Variants in EGLN1 observed in about 807,000 individuals in gnomAD.
The protein encoded by EGLN1 is egl-9 family hypoxia inducible factor 1, also known as egl nine homolog 1.
Under a neutral mutation model 38.3 loss-of-function variants are expected in EGLN1, and 17 were observed. That is an observed-to-expected ratio of 0.44 (90% confidence interval 0.30 to 0.67). The LOEUF (loss-of-function observed/expected upper bound fraction) is 0.67. Ranked by LOEUF, EGLN1 falls within the 30% of genes least tolerant of loss-of-function variation. The pLI is 0.08. For synonymous variants in EGLN1, 283 were observed against 257.5 expected (o/e 1.10, Z -0.95); for missense variants, 477 against 603.3 (o/e 0.79, Z 2.19).
Position 231,370,690 on chromosome 1 carries a change from T to A in EGLN1, c.1020A>T (p.Gly340=), listed in dbSNP as rs368903308. 3 of 1,613,876 alleles carry A rather than the reference T, an allele frequency of 1.9e-6. No homozygotes were observed. The African/African-American group carries it at 4.0e-5, about 22-fold the overall frequency. ...LNKDWDAKVS[G]GILRIFPEGK... ...CTTCTGGAAAAATTCGAAGTATACC[T>A]CCACTTACCTAGGAAAAGAGCCAAA... Residue 340 remains glycine (G), a synonymous_variant, in exon 3 of 5, where the codon GGA becomes GGT. Coordinates refer to ENST00000366641, the MANE Select transcript of EGLN1 (RefSeq NM_022051.3).
In EGLN1 at chr1:231,420,864, G is replaced by A. The variant is rs1656563274; in HGVS notation, c.891+134C>T. On this transcript the variant is annotated intron_variant, in intron 1 of 4. Coordinates refer to ENST00000366641, the MANE Select transcript of EGLN1 (RefSeq NM_022051.3). The stretch of plus-strand genomic sequence containing the variant: ...ACAAATTCTGTCCGTCTTCCTTACG[G>A]GGAGCTACACAAGAAAGAGCGAGTC... 5 of 1,554,254 alleles carry A rather than the reference G, an allele frequency of 3.2e-6. No homozygotes were observed. In the Admixed American group the frequency reaches 6.8e-5, roughly 21 times the overall value.
intron 1 of EGLN1, among the ~76,000 whole-genome samples, chr1:231,380,058 G>C (rs907044160): frequency 2.6e-4 from 9 of 34,644 alleles, no homozygotes; most frequent in African/African-American, 4.6e-4. Flanking sequence ...TTGGAAACTT[G>C]TGTGGAACTC....
intron 1 of EGLN1, among the ~76,000 whole-genome samples, chr1:231,385,498 G>A (rs12726155): frequency 6.6e-6 from 1 of 152,196 alleles, no homozygotes; most frequent in South Asian, 2.1e-4. Context: ...GAAGAGAAAA[G>A]GTCATGGTGT....
intron 1 of EGLN1, among the ~76,000 whole-genome samples, chr1:231,385,236 G>C (rs1688174035): frequency 6.6e-6 from 1 of 152,230 alleles, no homozygotes; most frequent in Non-Finnish European, 1.5e-5. Flanking sequence ...CCTGAGTCTG[G>C]ACAATGGGAG....
chr1:231,412,938 A>T (rs1688990779), intron 1 of EGLN1, among the ~76,000 whole-genome samples: 1 of 152,216 alleles, frequency 6.6e-6, no homozygotes. Flanking sequence ...CATCTAATGT[A>T]TCAGCAAATC....
chr1:231,407,037 T>C (rs969075484), intron 1 of EGLN1, among the ~76,000 whole-genome samples: 1 of 152,150 alleles, frequency 6.6e-6, no homozygotes, highest in Non-Finnish European at 1.5e-5. Flanking sequence ...CTACTTTCCT[T>C]ACCAACTCTG....
chr1:231,370,764 A>G (rs537577767), intron 2 of EGLN1, 66 bp from the exon 3 acceptor site: 15 of 1,533,388 alleles, frequency 9.8e-6, no homozygotes, highest in East Asian at 2.3e-5. Context: ...ATTTAGGGGG[A>G]AAAAAAGAGA....
chr1:231,405,375 T>C (rs1334821396), intron 1 of EGLN1, among the ~76,000 whole-genome samples: 2 of 151,786 alleles, frequency 1.3e-5, no homozygotes, highest in Non-Finnish European at 2.9e-5. Flanking sequence ...GACAGGGTTT[T>C]ACCATGTTAG....
intron 3 of EGLN1, among the ~76,000 whole-genome samples, chr1:231,370,162 T>C (rs772138340): frequency 2.0e-5 from 3 of 152,200 alleles, no homozygotes; most frequent in Non-Finnish European, 2.9e-5. Context: ...GTATCCATTT[T>C]CCTATGTTGT....
rs993458409 is a variant in EGLN1 at position 231,382,406 on chromosome 1, C to A, written c.892-8307G>T. ...AATAATCATCAGTAAATGAGGAAAGCTTGTAATCAAAAACCCTACTCCAGT... is the reference window on the plus strand; with the variant it reads ...AATAATCATCAGTAAATGAGGAAAGATTGTAATCAAAAACCCTACTCCAGT... On this transcript the variant is annotated intron_variant, in intron 1 of 4. Transcript: ENST00000366641. 3.0e-4 allele frequency among the ~76,000 whole-genome samples: 45 copies of A among 152,280 alleles called. 1 individual carries two copies. Among genetic ancestry groups the A allele is most frequent in the African/African-American group, 1.1e-3 (44 of 41,558 alleles).
chr1:231,377,856 T>C lies in EGLN1; in HGVS notation c.892-3757A>G, dbSNP rs1687996937. ...AGAGGCAGTGCTTAGCTGTTTCCTA[T>C]ACAGTATTTGAATTCCAAGTGAGGA... On this transcript the variant is annotated intron_variant, in intron 1 of 4. Coordinates refer to ENST00000366641, the MANE Select transcript of EGLN1 (RefSeq NM_022051.3). 2.0e-5 allele frequency among the ~76,000 whole-genome samples: 3 copies of C among 152,202 alleles called. No homozygotes were observed. In the South Asian group the frequency reaches 6.2e-4, roughly 32 times the overall value.
chr1:231,409,837 T>C (rs1688890665), intron 1 of EGLN1, among the ~76,000 whole-genome samples: 2 of 152,202 alleles, frequency 1.3e-5, no homozygotes, highest in African/African-American at 4.8e-5. Context: ...GATTAAGTAC[T>C]GTTATTAACT....
At chr1:231,396,178 T>G (rs1442922449) in intron 1 of EGLN1, among the ~76,000 whole-genome samples, 1 of 152,012 alleles carries the variant, frequency 6.6e-6, no homozygotes, top group African/African-American at 2.4e-5. Context: ...TTTCTTCCTT[T>G]TCTTTCAATA....
At chr1:231,420,921 C>T in intron 1 of EGLN1, 77 bp downstream of exon 1, 1 of 1,612,538 alleles carries the variant, frequency 6.2e-7, no homozygotes, top group Non-Finnish European at 8.5e-7. Context: ...GCTTCTCAGC[C>T]TAGGCAGTTT....
chr1:231,367,594 T>C lies in EGLN1; in HGVS notation c.1191A>G (p.Ala397=), dbSNP rs772604485. The stretch of plus-strand genomic sequence containing the variant: ...CTGTTAGATATTTTACTTTAGCTCG[T>C]GCTCTCTCATCTGCATCAAAATACC... ...TVWYFDADER[A]RAKVKYLTGE... is the part of the protein sequence containing the mutation. Residue 397 remains alanine (A), a synonymous_variant, in exon 4 of 5, where the codon GCA becomes GCG. Coordinates refer to ENST00000366641, the MANE Select transcript of EGLN1 (RefSeq NM_022051.3). 3.7e-6 allele frequency: 6 copies of C among 1,614,088 alleles called. No homozygotes were observed. The East Asian group carries it at 8.9e-5, about 24-fold the overall frequency.
At chr1:231,395,169 C>T (rs944123485) in intron 1 of EGLN1, among the ~76,000 whole-genome samples, 1 of 152,192 alleles carries the variant, frequency 6.6e-6, no homozygotes, top group African/African-American at 2.4e-5. Flanking sequence ...TGCTCCCTCC[C>T]CCAACATACA....
In EGLN1 at chr1:231,373,974, G is replaced by C; in HGVS notation, c.1011+6C>G. The C allele has an allele frequency of 6.2e-7, 1 of 1,613,438 alleles. No individual in the cohort carries two copies. The highest frequency in any genetic ancestry group is 8.5e-7 in the Non-Finnish European group (1 of 1,179,626). On this transcript the variant is annotated splice_donor_region_variant and intron_variant, in intron 2 of 4. Coordinates refer to ENST00000366641, the MANE Select transcript of EGLN1 (RefSeq NM_022051.3). ...AAAAAAATAAATGCTCAATTAAGTT[G>C]CATACCTTGGCATCCCAGTCTTTAT...
At chr1:231,369,783 A>C (rs1004155828) in intron 3 of EGLN1, among the ~76,000 whole-genome samples, 3 of 152,196 alleles carry the variant, frequency 2.0e-5, no homozygotes, top group African/African-American at 7.2e-5. Context: ...TGAATGCCGG[A>C]AGCTCACTAT....
At chr1:231,390,804 G>A (rs1317763446) in intron 1 of EGLN1, among the ~76,000 whole-genome samples, 1 of 152,114 alleles carries the variant, frequency 6.6e-6, no homozygotes, top group Non-Finnish European at 1.5e-5. Context: ...AAATGATGGT[G>A]AGATCTTAGA....
Sources: allele counts gnomAD v4.1 joint callset (sites outside exome capture counted in the v4.1 genomes callset), GRCh38; gene constraint gnomAD v4.1.1; transcripts MANE v1.5; gene names NCBI Gene and HGNC (gene_info 2026-07-23, HGNC 2026-07-21).